Variants in LATS2 observed in about 807,000 individuals in gnomAD.
LATS2 encodes serine/threonine-protein kinase LATS2.
A neutral mutation model predicts 76.0 loss-of-function variants in LATS2; 24 were observed. The observed-to-expected ratio is 0.32, with a 90% CI of 0.23 to 0.44. LATS2 has a LOEUF of 0.44. Among genes scored for constraint, LATS2 ranks in the 20% least tolerant of loss-of-function variants. The pLI, the probability that LATS2 is intolerant of heterozygous loss-of-function variation, is 1.00. For synonymous variants in LATS2, 692 were observed against 635.4 expected, an observed-to-expected ratio of 1.09 and a Z score of -1.34; for missense variants, 1,286 against 1,481.2, an observed-to-expected ratio of 0.87 and a Z score of 2.16.
Position 20,988,242 on chromosome 13 carries a change from C to G in LATS2, c.1538G>C (p.Cys513Ser). 1 of 1,603,210 alleles carries G rather than the reference C, an allele frequency of 6.2e-7. No homozygotes were observed. Among genetic ancestry groups the G allele is most frequent in the Non-Finnish European group, 8.5e-7 (1 of 1,178,920 alleles). ...DVEYGGPDRRCPPPPYPKHLL... is the reference protein window; with the variant it reads ...DVEYGGPDRRSPPPPYPKHLL... ...GTGCTTCGGGTAGGGCGGAGGCGGG[C>G]ACCTCCGGTCTGGGCCTCCGTACTC... The change falls in exon 4 of 8, where the codon TGC becomes TCC. Residue 513 changes from cysteine (C) to serine (S), a missense_variant. By Grantham distance (112) the Cys-to-Ser change is moderately radical. Coordinates refer to ENST00000382592, the MANE Select transcript of LATS2 (RefSeq NM_014572.3).
At chr13:21,042,351 A>G (rs1361010869) in intron 2 of LATS2, among the ~76,000 whole-genome samples, 1 of 152,244 alleles carries the variant, frequency 6.6e-6, no homozygotes, top group Non-Finnish European at 1.5e-5. Flanking sequence ...GCAAAAATTC[A>G]CTATGCTGTG....
chr13:21,004,758 A>G (rs879262129), intron 2 of LATS2, among the ~76,000 whole-genome samples: 6 of 152,254 alleles, frequency 3.9e-5, no homozygotes, highest in Non-Finnish European at 7.3e-5. Flanking sequence ...TGAGACTGCA[A>G]AAGAGCTTCA....
At chr13:21,044,728 G>C (rs1416295282) in intron 2 of LATS2, among the ~76,000 whole-genome samples, 2 of 137,684 alleles carry the variant, frequency 1.5e-5, no homozygotes, top group Non-Finnish European at 3.1e-5. Context: ...GTGTGTGTGT[G>C]TGTGTGTGTG....
rs770865744 is a variant in LATS2, at chr13:20,979,652, T to C, written c.2772+39A>G. The C allele has an allele frequency of 4.5e-6, 5 of 1,122,558 alleles. No homozygotes were observed. In the Admixed American group the frequency reaches 8.8e-5, roughly 20 times the overall value. The allele number at this position is 1,122,558 out of a possible 1,614,324, so 69.5% of individuals were successfully genotyped here. A position where few individuals can be genotyped will look rare whatever the true frequency, so the allele number is the denominator to read the frequency against. On this transcript the variant is annotated intron_variant, in intron 7 of 7. Coordinates refer to ENST00000382592, the MANE Select transcript of LATS2 (RefSeq NM_014572.3). ...TTCATGGGTACATGAGCAAATCAGA[T>C]GTCTACAGCAAGCAGATGCGTGGTT... is the stretch of plus-strand genomic sequence containing the variant.
chr13:20,997,513 C>T (rs1278933620), intron 2 of LATS2, among the ~76,000 whole-genome samples: 1 of 152,206 alleles, frequency 6.6e-6, no homozygotes, highest in Non-Finnish European at 1.5e-5. Context: ...GACCACACCC[C>T]AGCTCCAAAC....
chr13:21,046,852 C>T (rs2138407386), intron 1 of LATS2, among the ~76,000 whole-genome samples: 1 of 152,216 alleles, frequency 6.6e-6, no homozygotes, highest in Admixed American at 6.5e-5. Context: ...TAACTACTTC[C>T]TTTGTTTTTT....
At chr13:21,019,945 GC>G (rs1165790556) in intron 2 of LATS2, among the ~76,000 whole-genome samples, 1 of 148,222 alleles carries the variant, frequency 6.7e-6, no homozygotes, top group African/African-American at 2.5e-5. Flanking sequence ...CTGCACCCCA[GC>G]CTGCGTAACA....
At chr13:20,984,135 T>C (rs1416333279) in intron 4 of LATS2, among the ~76,000 whole-genome samples, 1 of 152,208 alleles carries the variant, frequency 6.6e-6, no homozygotes, top group East Asian at 1.9e-4. Flanking sequence ...CGTTTCATCA[T>C]GTTGGCCAGG....
chr13:21,014,181 G>A (rs1468084986), intron 2 of LATS2, among the ~76,000 whole-genome samples: 14 of 152,224 alleles, frequency 9.2e-5, no homozygotes, highest in Admixed American at 5.9e-4. Context: ...TCGGGGGCAG[G>A]GGGAAAGGCG....
chr13:20,990,747 A>T (rs1477601568), intron 3 of LATS2, among the ~76,000 whole-genome samples: 1 of 152,130 alleles, frequency 6.6e-6, no homozygotes, highest in African/African-American at 2.4e-5. Flanking sequence ...ATAGCCAGTA[A>T]AAAGCAGGGG....
chr13:21,028,431 T>C (rs1872397772), intron 2 of LATS2, among the ~76,000 whole-genome samples: 1 of 152,234 alleles, frequency 6.6e-6, no homozygotes, highest in African/African-American at 2.4e-5. Context: ...TTATAGTCCT[T>C]TGGGTATATA....
chr13:21,049,131 A>G (rs754949444), intron 1 of LATS2, among the ~76,000 whole-genome samples: 18 of 152,284 alleles, frequency 1.2e-4, no homozygotes, highest in Non-Finnish European at 2.6e-4. Flanking sequence ...GGTCTGTGCA[A>G]TGCAGGCTCT....
chr13:21,054,227 G>A (rs1873374001), intron 1 of LATS2, among the ~76,000 whole-genome samples: 5 of 152,130 alleles, frequency 3.3e-5, no homozygotes. Context: ...GAGGCAGGAA[G>A]GCAGGAAGAT....
rs754984666 is a variant in LATS2, at chr13:21,043,334, C to CT, written c.342+2350dup. ...CCTGGGCAACAGAGCAAGACACCGT[C>CT]TAAAAAAAAAAAAGAACTCTATTAT... On this transcript the variant is annotated intron_variant, in intron 2 of 7. Transcript: ENST00000382592. Among the ~76,000 whole-genome samples the CT allele has an allele frequency of 1.4e-3, 211 of 149,356 alleles. 1 individual carries two copies. The highest frequency in any genetic ancestry group is 2.7e-3 in the Non-Finnish European group (185 of 67,632).
chr13:21,043,236 G>A (rs1872948259), intron 2 of LATS2, among the ~76,000 whole-genome samples: 1 of 151,530 alleles, frequency 6.6e-6, no homozygotes, highest in African/African-American at 2.4e-5. Flanking sequence ...TACATGGGAA[G>A]CTGAGGCAGG....
intron 2 of LATS2, among the ~76,000 whole-genome samples, chr13:21,008,109 T>A (rs1871431748): frequency 6.6e-6 from 1 of 151,866 alleles, no homozygotes; most frequent in African/African-American, 2.4e-5. Context: ...GGGAGCCAGG[T>A]ATGAGGGCAG....
In LATS2 at chr13:20,988,391, G is replaced by T. The variant is rs565069404; in HGVS notation, c.1389C>A (p.Pro463=). Residue 463 remains proline, a synonymous_variant, in exon 4 of 8, where the codon CCC becomes CCA. Coordinates refer to ENST00000382592, the MANE Select transcript of LATS2 (RefSeq NM_014572.3). ...EPQTAVGPSH[P]AWVPAPAPAP... ...CCGGGGCAGGCGCGGGCACCCAGGC[G>T]GGGTGCGAGGGCCCCACAGCCGTCT... The T allele has an allele frequency of 1.2e-5, 16 of 1,378,592 alleles. No individual in the cohort carries two copies. The South Asian group carries it at 2.5e-4, about 21-fold the overall frequency. The allele number at this position is 1,378,592 out of a possible 1,614,324, so 85.4% of individuals were successfully genotyped here.
At chr13:21,052,004 A>G (rs1301640414) in intron 1 of LATS2, among the ~76,000 whole-genome samples, 5 of 152,108 alleles carry the variant, frequency 3.3e-5, no homozygotes, top group East Asian at 1.9e-4. Flanking sequence ...GTGCAGTGCT[A>G]AAGTGGCTGG....
chr13:21,052,537 G>T (rs1280464394), intron 1 of LATS2, among the ~76,000 whole-genome samples: 2 of 152,066 alleles, frequency 1.3e-5, no homozygotes, highest in Non-Finnish European at 2.9e-5. Flanking sequence ...TTTTAGCAGA[G>T]ATGGGGGTTT....
Sources: gnomAD v4.1 joint callset for allele counts (sites outside exome capture counted in the v4.1 genomes callset) on GRCh38, gnomAD v4.1.1 for gene constraint, MANE v1.5 for transcripts, NCBI Gene and HGNC (gene_info 2026-07-23, HGNC 2026-07-21) for gene names.